ZSCAN25: variants seen among roughly 807,000 people sequenced by gnomAD.
ZSCAN25 encodes zinc finger and SCAN domain-containing protein 25.
Under a neutral mutation model 38.7 loss-of-function variants are expected in ZSCAN25, and 27 were observed. The observed-to-expected ratio is 0.70, with a 90% CI of 0.51 to 0.96. The LOEUF (loss-of-function observed/expected upper bound fraction) is 0.96. ZSCAN25 is among the 40% of genes least tolerant of loss of function. ZSCAN25 has a pLI of 0.00. For synonymous variants in ZSCAN25, 273 were observed against 277.7 expected (o/e 0.98, Z 0.17); for missense variants, 637 against 705.9 (o/e 0.90, Z 1.11).
intron 6 of ZSCAN25, 35 bp downstream of exon 6, chr7:99,622,675 G>T (rs567161957): frequency 2.5e-6 from 4 of 1,593,400 alleles, no homozygotes; most frequent in Admixed American, 3.4e-5. Context: ...AATCATGACC[G>T]TTGCTTTGAT....
chr7:99,715,684 A>G, the ZSCAN25 span: 8 of 1,607,580 alleles, frequency 5.0e-6, no homozygotes, highest in South Asian at 1.1e-5. Context: ...GATGAATTAC[A>G]TGGTGATTTA....
the ZSCAN25 span, among the ~76,000 whole-genome samples, chr7:99,680,774 T>C: frequency 2.5e-4 from 38 of 152,170 alleles, no homozygotes; most frequent in Non-Finnish European, 4.6e-4. Context: ...CAAAGGAAAA[T>C]AATAGAAATC....
the ZSCAN25 span, chr7:99,663,946 T>C: frequency 6.4e-7 from 1 of 1,569,600 alleles, no homozygotes; most frequent in Non-Finnish European, 8.6e-7. Context: ...AACATCGTCA[T>C]TTAACCACCA....
the ZSCAN25 span, among the ~76,000 whole-genome samples, chr7:99,654,394 C>T: frequency 6.6e-6 from 1 of 152,142 alleles, no homozygotes. Context: ...ATCCATGTCT[C>T]TACAAAGGAC....
At chr7:99,660,486 G>T in the ZSCAN25 span, 1 of 1,601,984 alleles carries the variant, frequency 6.2e-7, no homozygotes, top group Non-Finnish European at 8.5e-7. Flanking sequence ...ATCTCCAGGG[G>T]TCATCCCCTC....
chr7:99,663,296 C>G, the ZSCAN25 span: 7,402 of 995,140 alleles, frequency 7.4e-3, 371 homozygotes, highest in African/African-American at 0.11. Flanking sequence ...CAGAACTCAT[C>G]AGCAGCTTTT....
At chr7:99,684,311 G>A in the ZSCAN25 span, among the ~76,000 whole-genome samples, 2 of 148,708 alleles carry the variant, frequency 1.3e-5, no homozygotes, top group Non-Finnish European at 3.0e-5. Context: ...GAGATTATAG[G>A]TGCATACCAC....
rs757817801 is a variant in ZSCAN25 at position 99,629,557 on chromosome 7, T to C, written c.1172T>C (p.Met391Thr). 1.2e-6 allele frequency: 2 copies of C among 1,614,036 alleles called. No individual in the cohort carries two copies. The highest frequency in any genetic ancestry group is 2.7e-5 in the African/African-American group (2 of 74,914). The change falls in exon 8 of 8, where the codon ATG (methionine) becomes ACG (threonine). Residue 391 changes from methionine (M) to threonine (T), a missense_variant. Met to Thr is a moderately conservative substitution (Grantham distance 81). Transcript: ENST00000394152. The surrounding 1 kb of genome is among the most constrained non-coding windows in gnomAD (Gnocchi z 5.6). ...GGCTTTACCCTGAGAGAATACCTGATGAAGCACCAGAGAACCCACCTGGGA... is the reference window on the plus strand; with the variant it reads ...GGCTTTACCCTGAGAGAATACCTGACGAAGCACCAGAGAACCCACCTGGGA... Reference protein sequence around the residue: ...GKGFTLREYLMKHQRTHLGKR... With the variant: ...GKGFTLREYLTKHQRTHLGKR...
chr7:99,671,982 A>C, the ZSCAN25 span: 1 of 634,586 alleles, frequency 1.6e-6, no homozygotes, highest in Non-Finnish European at 2.8e-6. Flanking sequence ...AACTATATCA[A>C]AGTCAATTTC....
chr7:99,653,173 G>T, the ZSCAN25 span, among the ~76,000 whole-genome samples: 1 of 152,164 alleles, frequency 6.6e-6, no homozygotes, highest in Non-Finnish European at 1.5e-5. This position sits in a 1 kb window ranked among gnomAD's most constrained non-coding sequence, Gnocchi z 4.2. Context: ...AGAAAAACAG[G>T]GAAAAGAGCA....
chr7:99,665,431 G>C, the ZSCAN25 span: 1 of 1,390,314 alleles, frequency 7.2e-7, no homozygotes, highest in South Asian at 1.2e-5. Context: ...CAGACTTTCA[G>C]AACTATCTGC....
At chr7:99,662,900 G>C in the ZSCAN25 span, 4 of 1,613,358 alleles carry the variant, frequency 2.5e-6, no homozygotes, top group East Asian at 2.2e-5. The surrounding 1 kb of genome is among the most constrained non-coding windows in gnomAD (Gnocchi z 4.3). Flanking sequence ...CAAAAGGAGA[G>C]ATTTCTTTGG....
At chr7:99,638,983 T>C in the ZSCAN25 span, among the ~76,000 whole-genome samples, 2 of 152,046 alleles carry the variant, frequency 1.3e-5, no homozygotes, top group African/African-American at 4.8e-5. Context: ...GGGGCCGGAG[T>C]CTGCGCTGGG....
At chr7:99,693,575 G>A in the ZSCAN25 span, among the ~76,000 whole-genome samples, 1 of 152,186 alleles carries the variant, frequency 6.6e-6, no homozygotes, top group Non-Finnish European at 1.5e-5. Context: ...GTGCTTCCAG[G>A]CCTCTTTGTT....
At chr7:99,731,394 A>C in the ZSCAN25 span, among the ~76,000 whole-genome samples, 105 of 152,338 alleles carry the variant, frequency 6.9e-4, no homozygotes, top group African/African-American at 2.4e-3. Flanking sequence ...TCATGGCCCC[A>C]GTCTGGGATG....
chr7:99,717,853 T>C, the ZSCAN25 span, among the ~76,000 whole-genome samples: 1 of 152,158 alleles, frequency 6.6e-6, no homozygotes, highest in Non-Finnish European at 1.5e-5. Context: ...TCCTTTTACA[T>C]GCAAATTCTC....
the ZSCAN25 span, chr7:99,666,996 G>A: frequency 8.1e-6 from 13 of 1,613,950 alleles, no homozygotes; most frequent in East Asian, 2.2e-5. Context: ...AGCAATGACC[G>A]TATTCTCTTC....
the ZSCAN25 span, chr7:99,638,483 G>C: frequency 6.6e-7 from 1 of 1,512,668 alleles, no homozygotes; most frequent in East Asian, 2.3e-5. Flanking sequence ...CCTCATCGGT[G>C]CGGTGGCAGT....
chr7:99,649,976 A>G, the ZSCAN25 span: 3 of 1,457,108 alleles, frequency 2.1e-6, no homozygotes, highest in Non-Finnish European at 2.8e-6. Flanking sequence ...TGGCCCATAG[A>G]ATGAATTATT....
Sources: allele counts gnomAD v4.1 joint callset (sites outside exome capture counted in the v4.1 genomes callset), GRCh38; gene constraint gnomAD v4.1.1; non-coding constraint Gnocchi (gnomAD v3.1); transcripts MANE v1.5; gene names NCBI Gene and HGNC (gene_info 2026-07-23, HGNC 2026-07-21).